The following CSMD1 variants were observed in gnomAD, a reference collection of about 807,000 sequenced individuals.
The protein encoded by CSMD1 is CUB and Sushi multiple domains 1, also known as CUB and sushi domain-containing protein 1.
A neutral mutation model predicts 417.5 loss-of-function variants in CSMD1; 213 were observed. The observed-to-expected ratio is 0.51, with a 90% CI of 0.46 to 0.57. The LOEUF (loss-of-function observed/expected upper bound fraction) is 0.57. Among genes scored for constraint, CSMD1 ranks in the 20% least tolerant of loss-of-function variants. The pLI, the probability that CSMD1 is intolerant of heterozygous loss-of-function variation, is 0.00. For synonymous variants in CSMD1, 2,862 were observed against 1,736.8 expected (o/e 1.65, Z -16.11); for missense variants, 6,923 against 4,529.7 (o/e 1.53, Z -15.17).
chr8:4,461,661 C>G (rs138869659), intron 2 of CSMD1, among the ~76,000 whole-genome samples: 5,458 of 151,904 alleles, frequency 0.036, 148 homozygotes, highest in South Asian at 0.064. Context: ...AGCAATCCTC[C>G]CACCTCAGCC....
intron 64 of CSMD1, among the ~76,000 whole-genome samples, chr8:2,955,074 C>T (rs528629672): frequency 5.6e-4 from 86 of 152,252 alleles, no homozygotes; most frequent in African/African-American, 1.9e-3. Flanking sequence ...ATTAATGGAT[C>T]GTTTCCATGT....
At chr8:3,575,360 C>A (rs985708125) in intron 9 of CSMD1, among the ~76,000 whole-genome samples, 1 of 152,080 alleles carries the variant, frequency 6.6e-6, no homozygotes, top group Non-Finnish European at 1.5e-5. Context: ...AATGTCAATA[C>A]CAAAGTAGCC....
chr8:4,611,280 C>A (rs926934537), intron 2 of CSMD1, among the ~76,000 whole-genome samples: 3 of 152,238 alleles, frequency 2.0e-5, no homozygotes, highest in African/African-American at 7.2e-5. Context: ...TTGTGAAAAC[C>A]TTTTCATACC....
At chr8:4,214,990 G>T (rs2128804337) in intron 3 of CSMD1, among the ~76,000 whole-genome samples, 1 of 152,262 alleles carries the variant, frequency 6.6e-6, no homozygotes, top group Middle Eastern at 3.4e-3. Flanking sequence ...ACTCTGTCAG[G>T]ATTACTGAGA....
intron 2 of CSMD1, among the ~76,000 whole-genome samples, chr8:4,603,635 C>T (rs1445672587): frequency 1.3e-5 from 2 of 152,042 alleles, no homozygotes; most frequent in Non-Finnish European, 1.5e-5. Flanking sequence ...ATATAATCAC[C>T]TCATTCAAAA....
chr8:3,895,781 T>C (rs1807316159), intron 5 of CSMD1, among the ~76,000 whole-genome samples: 1 of 152,194 alleles, frequency 6.6e-6, no homozygotes, highest in Non-Finnish European at 1.5e-5. Flanking sequence ...TTTCCTACGG[T>C]CATAACTCTT....
intron 3 of CSMD1, among the ~76,000 whole-genome samples, chr8:4,054,663 T>C (rs572797823): frequency 6.6e-6 from 1 of 152,148 alleles, no homozygotes; most frequent in East Asian, 1.9e-4. Context: ...CCTTGCACAG[T>C]GTCTCATAGG....
At chr8:3,837,130 T>G (rs1802763270) in intron 5 of CSMD1, among the ~76,000 whole-genome samples, 1 of 146,062 alleles carries the variant, frequency 6.8e-6, no homozygotes, top group Admixed American at 6.7e-5. Flanking sequence ...AATGCAAAAA[T>G]TGAAAGTGTA....
At chr8:4,539,725 A>G (rs1013853036) in intron 2 of CSMD1, among the ~76,000 whole-genome samples, 8 of 152,172 alleles carry the variant, frequency 5.3e-5, no homozygotes, top group African/African-American at 1.9e-4. Flanking sequence ...AATTATTGTG[A>G]TTTTACGGAA....
chr8:3,810,775 C>A (rs931796511), intron 5 of CSMD1, among the ~76,000 whole-genome samples: 1 of 152,108 alleles, frequency 6.6e-6, no homozygotes, highest in Non-Finnish European at 1.5e-5. Flanking sequence ...CATGGTGTTG[C>A]ATCACTGGGT....
chr8:4,115,467 T>C (rs537189715), intron 3 of CSMD1, among the ~76,000 whole-genome samples: 3 of 152,364 alleles, frequency 2.0e-5, no homozygotes, highest in South Asian at 2.1e-4. Flanking sequence ...TGTTTTTATA[T>C]ATAATGCTTT....
chr8:3,137,063 G>A (rs1293753074), intron 41 of CSMD1, among the ~76,000 whole-genome samples: 3 of 152,032 alleles, frequency 2.0e-5, no homozygotes, highest in African/African-American at 7.3e-5. Context: ...TACTACATCT[G>A]TATGTTCATC....
Position 2,965,336 on chromosome 8 carries a change from T to C in CSMD1, c.9280+439A>G, listed in dbSNP as rs562811980. Among the ~76,000 whole-genome samples, 3 of 152,282 alleles carry C rather than the reference T, an allele frequency of 2.0e-5. No individual in the cohort carries two copies. In the South Asian group the frequency reaches 6.2e-4, roughly 32 times the overall value. On this transcript the variant is annotated intron_variant, in intron 59 of 69. Transcript: ENST00000635120. ...AACCAAACCCCATGAAACATCACGG[T>C]GCTAACACTCTCTACCAGTGCTCTG...
chr8:3,295,302 T>A (rs1180373816), intron 25 of CSMD1, among the ~76,000 whole-genome samples: 1 of 151,834 alleles, frequency 6.6e-6, no homozygotes, highest in African/African-American at 2.4e-5. Context: ...TTTTTTTGTA[T>A]TTTTTAGTAG....
rs562137186 is a variant in CSMD1, at chr8:3,932,519, C to T, written c.818+65384G>A. Among the ~76,000 whole-genome samples the T allele has an allele frequency of 7.3e-5, 11 of 150,468 alleles. 1 individual carries two copies. The East Asian group carries it at 2.2e-3, about 30-fold the overall frequency. Reference sequence around the variant, plus strand: ...TCTAGGGAAAGCAGCAGATGTTAGCCTTATTAAATCAATCAAGCCCCACAA... The same window carrying T: ...TCTAGGGAAAGCAGCAGATGTTAGCTTTATTAAATCAATCAAGCCCCACAA... On this transcript the variant is annotated intron_variant, in intron 5 of 69. Transcript: ENST00000635120.
chr8:3,775,961 C>A (rs1024849619), intron 5 of CSMD1, among the ~76,000 whole-genome samples: 2 of 152,228 alleles, frequency 1.3e-5, no homozygotes, highest in Admixed American at 1.3e-4. Flanking sequence ...ATGCCAAATT[C>A]ATGTCATCAG....
chr8:3,059,836 T>C (rs541931445), intron 49 of CSMD1, among the ~76,000 whole-genome samples: 76 of 151,990 alleles, frequency 5.0e-4, no homozygotes, highest in African/African-American at 1.7e-3. Flanking sequence ...GAGAGAGAAG[T>C]GATTCAAGCA....
intron 1 of CSMD1, among the ~76,000 whole-genome samples, chr8:4,882,659 A>C (rs1224062481): frequency 6.6e-6 from 1 of 151,932 alleles, no homozygotes; most frequent in African/African-American, 2.4e-5. Context: ...ACAACGTTGT[A>C]GACTCTTCAA....
chr8:4,305,428 C>T (rs977328348), intron 3 of CSMD1, among the ~76,000 whole-genome samples: 2 of 152,080 alleles, frequency 1.3e-5, no homozygotes, highest in Non-Finnish European at 2.9e-5. Context: ...AAGGGATAAT[C>T]GACTAAAAGT....
Sources: gnomAD v4.1 joint callset for allele counts (sites outside exome capture counted in the v4.1 genomes callset) on GRCh38, gnomAD v4.1.1 for gene constraint, MANE v1.5 for transcripts, NCBI Gene and HGNC (gene_info 2026-07-23, HGNC 2026-07-21) for gene names.